ARRB2: variants seen among roughly 807,000 people sequenced by gnomAD.
ARRB2 encodes arrestin beta 2, also known as beta-arrestin-2.
Under a neutral mutation model 53.4 loss-of-function variants are expected in ARRB2, and 21 were observed. The ratio of observed to expected loss-of-function variants is 0.39; its 90% CI spans 0.28 to 0.57. The LOEUF (loss-of-function observed/expected upper bound fraction) is 0.57, where lower values mean the gene tolerates loss of function less well. Among genes scored for constraint, ARRB2 ranks in the 20% least tolerant of loss-of-function variants. The probability of loss-of-function intolerance (pLI) is 0.55; values close to 1 mark genes in which losing one functional copy is unlikely to be tolerated. For synonymous variants in ARRB2, 180 were observed against 212.9 expected (o/e 0.85, Z 1.34); for missense variants, 369 against 527.5 (o/e 0.70, Z 2.94).
chr17:4,720,755 A>T (rs1175495868), intron 14 of ARRB2, 115 bp downstream of exon 14: 16 of 1,112,676 alleles, frequency 1.4e-5, no homozygotes, highest in Non-Finnish European at 1.9e-5. Context: ...TGTAGCATCA[A>T]ATCAAGATGC....
rs373046672 is a variant in ARRB2 at position 4,715,055 on chromosome 17, C to T, written c.54+12C>T. The T allele has an allele frequency of 1.9e-6, 3 of 1,605,172 alleles. No individual in the cohort carries two copies. Among genetic ancestry groups the T allele is most frequent in the South Asian group, 1.1e-5 (1 of 89,258 alleles). ...GCCCTAACTGCAAGGTGAGTCTCCA[C>T]AGCACTTACCCTTTTGACCCTCCCT... On this transcript the variant is annotated intron_variant, in intron 2 of 14. Coordinates refer to ENST00000269260, the MANE Select transcript of ARRB2 (RefSeq NM_004313.4).
chr17:4,710,843 C>G (rs1211159471), intron 1 of ARRB2, 99 bp downstream of exon 1: 1 of 396,018 alleles, frequency 2.5e-6, no homozygotes, highest in Admixed American at 4.4e-5. Flanking sequence ...ATCTGGGGGC[C>G]GGACGCCTGG....
intron 2 of ARRB2, chr17:4,715,617 G>A: frequency 2.0e-5 from 7 of 355,090 alleles, no homozygotes; most frequent in South Asian, 8.5e-5. Context: ...CGCTGGTTGG[G>A]CTGAGTCCTC....
intron 1 of ARRB2, among the ~76,000 whole-genome samples, chr17:4,713,109 C>T (rs1914595554): frequency 1.3e-5 from 2 of 152,194 alleles, no homozygotes; most frequent in Admixed American, 1.3e-4. Context: ...GTAATCCCAG[C>T]ACTTTGGGAG....
chr17:4,718,919 C>T (rs1915381433), intron 10 of ARRB2, among the ~76,000 whole-genome samples: 1 of 151,682 alleles, frequency 6.6e-6, no homozygotes, highest in Admixed American at 6.6e-5. Flanking sequence ...GTAGCTGGGA[C>T]TACAGGCATG....
At chr17:4,719,992 GGCTGTTA>G (rs1385923872) in intron 11 of ARRB2, among the ~76,000 whole-genome samples, 2 of 152,208 alleles carry the variant, frequency 1.3e-5, no homozygotes, top group Non-Finnish European at 2.9e-5. Context: ...GACGGTGCAA[GGCTGTTA>G]GCGGAGAAGG....
At chr17:4,716,263 G>T in intron 4 of ARRB2, 72 bp downstream of exon 4, 9 of 1,610,026 alleles carry the variant, frequency 5.6e-6, no homozygotes, top group Non-Finnish European at 7.6e-6. Flanking sequence ...GCCTTGGAAG[G>T]GCGCCCCAGA....
chr17:4,717,614 G>T lies in ARRB2; in HGVS notation c.418-71G>T. 2 of 1,592,010 alleles carry T rather than the reference G, an allele frequency of 1.3e-6. No individual in the cohort carries two copies. Among genetic ancestry groups the T allele is most frequent in the Non-Finnish European group, 1.7e-6 (2 of 1,161,316 alleles). On this transcript the variant is annotated intron_variant, in intron 6 of 14. Transcript: ENST00000269260. This position sits in a 1 kb window ranked among gnomAD's most constrained non-coding sequence, Gnocchi z 6.0. The stretch of plus-strand genomic sequence containing the variant: ...GAGTCCCTGCCCGAGAGGAGGGAAG[G>T]GGGAGGAAGAAAGGGCAGTGATGGT...
chr17:4,721,268 C>T lies in ARRB2; in HGVS notation c.*229C>T. 1 of 517,840 alleles carries T rather than the reference C, an allele frequency of 1.9e-6. No individual in the cohort carries two copies. The highest frequency in any genetic ancestry group is 2.0e-5 in the African/African-American group (1 of 50,964). 32.1% of individuals were successfully genotyped at this position (517,840 alleles called of 1,614,324 possible). On this transcript the variant is annotated 3_prime_UTR_variant, in exon 15 of 15. Coordinates refer to ENST00000269260, the MANE Select transcript of ARRB2 (RefSeq NM_004313.4). This position sits in a 1 kb window ranked among gnomAD's most constrained non-coding sequence, Gnocchi z 4.2. ...TTTGACTGCAGCTCTGCTTCTCCAG[C>T]CCCGCCGTGGGTGGCAAGCTGTGTT... is the stretch of plus-strand genomic sequence containing the variant.
Position 4,710,721 on chromosome 17 carries a change from C to T in ARRB2, c.-1C>T, listed in dbSNP as rs1359272396. On this transcript the variant is annotated 5_prime_UTR_variant, in exon 1 of 15. Transcript: ENST00000269260. ...CCGAGCGGGCGGCGGGCGCGCGCACCATGGGGGAGAAACCCGGGACCAGGT... is the reference window on the plus strand; with the variant it reads ...CCGAGCGGGCGGCGGGCGCGCGCACTATGGGGGAGAAACCCGGGACCAGGT... 2 of 398,998 alleles carry T rather than the reference C, an allele frequency of 5.0e-6. No individual in the cohort carries two copies. Among genetic ancestry groups the T allele is most frequent in the Non-Finnish European group, 8.8e-6 (2 of 226,552 alleles). 24.7% of individuals were successfully genotyped at this position (398,998 alleles called of 1,614,324 possible).
intron 1 of ARRB2, chr17:4,714,543 G>A (rs1914752045): frequency 8.0e-6 from 2 of 249,704 alleles, no homozygotes; most frequent in Non-Finnish European, 1.5e-5. Flanking sequence ...GACGAATGAG[G>A]GTGGACAAGA....
rs1460050034 is a variant in ARRB2 at position 4,719,193 on chromosome 17, G to A, written c.780-90G>A. On this transcript the variant is annotated intron_variant, in intron 10 of 14. Transcript: ENST00000269260. Reference sequence around the variant, plus strand: ...CTGTGCCCAAAGAAACAAGGGACTAGTGAGGGGGAGATGCTGCTTGGGGGT... The same window carrying A: ...CTGTGCCCAAAGAAACAAGGGACTAATGAGGGGGAGATGCTGCTTGGGGGT... 4.7e-6 allele frequency: 7 copies of A among 1,485,314 alleles called. 1 individual carries two copies. The Admixed American group carries it at 1.0e-4, about 21-fold the overall frequency. 92.0% of individuals were successfully genotyped at this position (1,485,314 alleles called of 1,614,324 possible).
Position 4,717,693 on chromosome 17 carries a change from C to T in ARRB2, c.426C>T (p.Gly142=), listed in dbSNP as rs761032273. 22 of 1,614,024 alleles carry T rather than the reference C, an allele frequency of 1.4e-5. No homozygotes were observed. Among genetic ancestry groups the T allele is most frequent in the Admixed American group, 1.7e-5 (1 of 60,000 alleles). The change falls in exon 7 of 15, where the codon GGC becomes GGT. Residue 142 remains glycine, a synonymous_variant. Transcript: ENST00000269260. This position sits in a 1 kb window ranked among gnomAD's most constrained non-coding sequence, Gnocchi z 6.0. ...PGPEDTGKAC[G]VDFEIRAFCA... The stretch of plus-strand genomic sequence containing the variant: ...TTTCTCCCCTCCCCGAGGCCTGCGG[C>T]GTAGACTTTGAGATTCGAGCCTTCT...
At position 4,720,311 on chromosome 17, in the gene ARRB2, G is replaced by C. The variant is rs375692122; in HGVS notation, c.1001+12G>C. The C allele has an allele frequency of 1.9e-6, 3 of 1,613,710 alleles. No homozygotes were observed. The highest frequency in any genetic ancestry group is 2.5e-6 in the Non-Finnish European group (3 of 1,179,904). Reference sequence around the variant, plus strand: ...GTGTCTCGAGGCGGGTGAGTGTCATGGGGGAGCCTGGGTGGGGGTCACACT... The same window carrying C: ...GTGTCTCGAGGCGGGTGAGTGTCATCGGGGAGCCTGGGTGGGGGTCACACT... On this transcript the variant is annotated intron_variant, in intron 12 of 14. Coordinates refer to ENST00000269260, the MANE Select transcript of ARRB2 (RefSeq NM_004313.4).
Position 4,721,143 on chromosome 17 carries a change from C to G in ARRB2, c.*104C>G. On this transcript the variant is annotated 3_prime_UTR_variant, in exon 15 of 15. Coordinates refer to ENST00000269260, the MANE Select transcript of ARRB2 (RefSeq NM_004313.4). The surrounding 1 kb of genome is among the most constrained non-coding windows in gnomAD (Gnocchi z 4.2). ...ATTGTCCCAGCCCCTCTTCCCTTCC[C>G]CTCACCTGGAAGCTTCTTCAACCAA... is the stretch of plus-strand genomic sequence containing the variant. 8.2e-7 allele frequency: 1 copy of G among 1,215,854 alleles called. No homozygotes were observed. The highest frequency in any genetic ancestry group is 1.2e-6 in the Non-Finnish European group (1 of 847,226). 75.3% of individuals were successfully genotyped at this position (1,215,854 alleles called of 1,614,324 possible).
At position 4,720,934 on chromosome 17, in the gene ARRB2, C is replaced by G. The variant is rs1915639413; in HGVS notation, c.1137-12C>G. On this transcript the variant is annotated splice_polypyrimidine_tract_variant and intron_variant, in intron 14 of 14. Transcript: ENST00000269260. ...AAGCCCTCACCTCACAACCCTCTTT[C>G]CCACCACCAAGCTATGCCACAGATG... 3 of 1,613,594 alleles carry G rather than the reference C, an allele frequency of 1.9e-6. No homozygotes were observed. Among genetic ancestry groups the G allele is most frequent in the Non-Finnish European group, 2.5e-6 (3 of 1,179,602 alleles).
intron 12 of ARRB2, 41 bp from the exon 13 acceptor site, chr17:4,720,352 C>T: frequency 6.2e-7 from 1 of 1,613,726 alleles, no homozygotes; most frequent in Non-Finnish European, 8.5e-7. Flanking sequence ...TCTCTAGTCC[C>T]ATGTCGTCGT....
intron 1 of ARRB2, among the ~76,000 whole-genome samples, chr17:4,711,172 C>G (rs896805524): frequency 6.6e-6 from 1 of 152,052 alleles, no homozygotes; most frequent in Non-Finnish European, 1.5e-5. Context: ...CCCAGGTAGT[C>G]GCGCTGCCCA....
Position 4,717,110 on chromosome 17 carries a change from A to G in ARRB2, c.358-107A>G, listed in dbSNP as rs1915153197. The G allele has an allele frequency of 3.1e-6, 4 of 1,279,816 alleles. No individual in the cohort carries two copies. The South Asian group carries it at 4.8e-5, about 15-fold the overall frequency. The allele number at this position is 1,279,816 out of a possible 1,614,324, so 79.3% of individuals were successfully genotyped here. ...TAGCCTTCCAAAGTGTTGGGATTAC[A>G]GGCATGAGCCACCACACCCAGCGTC... On this transcript the variant is annotated intron_variant, in intron 5 of 14. Coordinates refer to ENST00000269260, the MANE Select transcript of ARRB2 (RefSeq NM_004313.4). The surrounding 1 kb of genome is among the most constrained non-coding windows in gnomAD (Gnocchi z 6.0).
Sources: gnomAD v4.1 joint callset for allele counts (sites outside exome capture counted in the v4.1 genomes callset) on GRCh38, gnomAD v4.1.1 for gene constraint, Gnocchi (gnomAD v3.1) non-coding constraint, MANE v1.5 for transcripts, NCBI Gene and HGNC (gene_info 2026-07-23, HGNC 2026-07-21) for gene names.